Variants in ZDHHC4 observed in about 807,000 individuals in gnomAD.
ZDHHC4 encodes the protein zDHHC palmitoyltransferase 4, also known as palmitoyltransferase ZDHHC4.
ZDHHC4 carries 42 observed loss-of-function variants against 36.7 expected under a neutral mutation model. The observed-to-expected ratio is 1.14, with a 90% confidence interval of 0.89 to 1.48. The LOEUF (loss-of-function observed/expected upper bound fraction) is 1.48. Among genes scored for constraint, ZDHHC4 ranks in the 40% most tolerant of loss-of-function variants. The pLI, the probability that ZDHHC4 is intolerant of heterozygous loss-of-function variation, is 0.00. For synonymous variants in ZDHHC4, 189 were observed against 166.6 expected (o/e 1.13, Z -1.03); for missense variants, 457 against 421.5 (o/e 1.08, Z -0.74).
At chr7:6,584,715 C>T (rs1230739358) in intron 6 of ZDHHC4, among the ~76,000 whole-genome samples, 1 of 152,140 alleles carries the variant, frequency 6.6e-6, no homozygotes, top group Non-Finnish European at 1.5e-5. Flanking sequence ...CTCACTGCAG[C>T]GTTGACCTCC....
chr7:6,587,497 CA>C (rs1781321999), intron 7 of ZDHHC4, among the ~76,000 whole-genome samples: 1 of 152,148 alleles, frequency 6.6e-6, no homozygotes, highest in Admixed American at 6.6e-5. Context: ...AAATAACTTA[CA>C]AAACTTTAAG....
intron 5 of ZDHHC4, 74 bp downstream of exon 5, chr7:6,582,325 G>T (rs1225406522): frequency 1.0e-5 from 14 of 1,348,756 alleles, no homozygotes; most frequent in Non-Finnish European, 1.4e-5. Context: ...AACAAGGAGA[G>T]GCCCCCCCTG....
Position 6,588,749 on chromosome 7 carries a change from A to C in ZDHHC4, c.874A>C (p.Arg292=). 6.2e-7 allele frequency: 1 copy of C among 1,614,250 alleles called. No homozygotes were observed. The highest frequency in any genetic ancestry group is 2.2e-5 in the East Asian group (1 of 44,894). Residue 292 remains arginine, a synonymous_variant, in exon 8 of 8, where the codon AGA becomes CGA. Coordinates refer to ENST00000335965, the MANE Select transcript of ZDHHC4 (RefSeq NM_001134389.2). ...CAACCAGACTACTAACGAGTGGTAC[A>C]GAGGTGACTGGGCCTGGTGCCAGCG... is the stretch of plus-strand genomic sequence containing the variant. The part of the protein sequence containing the change: ...ATNQTTNEWY[R]GDWAWCQRCP...
chr7:6,583,487 C>T lies in ZDHHC4; in HGVS notation c.496+56C>T, dbSNP rs977997365. On this transcript the variant is annotated intron_variant, in intron 6 of 7. Transcript: ENST00000335965. ...CCTCCAACAGCACATGTGTGGGCTTCGTCTGTGAGGGAATGTTTCCTGAAT... is the reference window on the plus strand; with the variant it reads ...CCTCCAACAGCACATGTGTGGGCTTTGTCTGTGAGGGAATGTTTCCTGAAT... 94 of 1,563,890 alleles carry T rather than the reference C, an allele frequency of 6.0e-5. 1 individual carries two copies. The South Asian group carries it at 7.5e-4, about 12-fold the overall frequency.
chr7:6,583,442 C>G lies in ZDHHC4; in HGVS notation c.496+11C>G, dbSNP rs973046828. On this transcript the variant is annotated intron_variant, in intron 6 of 7. Coordinates refer to ENST00000335965, the MANE Select transcript of ZDHHC4 (RefSeq NM_001134389.2). ...GATCCAAGCACTGCAGTGAGTGTGG[C>G]TCTCGTGACTCCAGCGGCACCTCCA... is the stretch of plus-strand genomic sequence containing the variant. 1 of 1,600,714 alleles carries G rather than the reference C, an allele frequency of 6.2e-7. No individual in the cohort carries two copies. The highest frequency in any genetic ancestry group is 1.3e-5 in the African/African-American group (1 of 74,534).
chr7:6,582,788 C>T (rs1780952599), intron 5 of ZDHHC4, among the ~76,000 whole-genome samples: 1 of 152,080 alleles, frequency 6.6e-6, no homozygotes, highest in South Asian at 2.1e-4. Flanking sequence ...AGTGCTGAGA[C>T]TACAGGCGTG....
chr7:6,580,412 C>T (rs1780760122), intron 2 of ZDHHC4, 143 bp from the exon 3 acceptor site: 1 of 735,626 alleles, frequency 1.4e-6, no homozygotes, highest in African/African-American at 1.7e-5. Flanking sequence ...TTCTGTTTGT[C>T]TTTCTGCTTT....
Position 6,582,139 on chromosome 7 carries a change from A to G in ZDHHC4, c.258A>G (p.Glu86=). The G allele has an allele frequency of 6.2e-7, 1 of 1,614,194 alleles. No individual in the cohort carries two copies. The highest frequency in any genetic ancestry group is 8.5e-7 in the Non-Finnish European group (1 of 1,180,030). The change falls in exon 5 of 8, where the codon GAA becomes GAG. Residue 86 remains glutamate, a synonymous_variant. Coordinates refer to ENST00000335965, the MANE Select transcript of ZDHHC4 (RefSeq NM_001134389.2). The part of the protein sequence containing the change: ...QGMVYTEYTW[E]VFGYCQELEL... ...TGGTTTATACTGAGTACACCTGGGA[A>G]GTATTTGGCTACTGTCAGGAGCTGG...
chr7:6,578,030 A>G (rs1780561229), intron 1 of ZDHHC4, among the ~76,000 whole-genome samples: 1 of 152,012 alleles, frequency 6.6e-6, no homozygotes, highest in South Asian at 2.1e-4. Context: ...GGATTTCACC[A>G]TGTTGGTCAG....
At chr7:6,578,290 A>C (rs1780584005) in intron 1 of ZDHHC4, among the ~76,000 whole-genome samples, 1 of 151,334 alleles carries the variant, frequency 6.6e-6, no homozygotes, top group African/African-American at 2.4e-5. Context: ...ACCACGCCCC[A>C]CTGATTTTTA....
At chr7:6,578,179 A>G (rs7776724) in intron 1 of ZDHHC4, among the ~76,000 whole-genome samples, 61,040 of 151,930 alleles carry the variant, frequency 0.4, 13,343 homozygotes, top group African/African-American at 0.57. Flanking sequence ...CCAGGCTGGA[A>G]GGCAGTGGCA....
intron 6 of ZDHHC4, chr7:6,584,802 T>A: frequency 1.6e-6 from 1 of 609,958 alleles, no homozygotes; most frequent in Non-Finnish European, 2.8e-6. Context: ...CTCAGATTTG[T>A]CTTGTAGTCA....
chr7:6,584,826 C>T (rs544850295), intron 6 of ZDHHC4, 190 bp from the exon 7 acceptor site: 27 of 727,230 alleles, frequency 3.7e-5, no homozygotes, highest in Admixed American at 2.1e-4. Context: ...TGCAAGTGCT[C>T]AATACCCACA....
In ZDHHC4 at chr7:6,581,645, C is replaced by G; in HGVS notation, c.156C>G (p.Ala52=). The G allele has an allele frequency of 6.2e-7, 1 of 1,611,790 alleles. No individual in the cohort carries two copies. Among genetic ancestry groups the G allele is most frequent in the Non-Finnish European group, 8.5e-7 (1 of 1,178,194 alleles). The change falls in exon 4 of 8, where the codon GCC becomes GCG. Residue 52 remains alanine, a synonymous_variant. Transcript: ENST00000335965. ...SCIIPECLQR[A]VHGLLHYLFH... Reference sequence around the variant, plus strand: ...TAATTCCAGAATGTCTTCAGAGAGCCGTGCATGGATTGCTTCATTACCTTT... The same window carrying G: ...TAATTCCAGAATGTCTTCAGAGAGCGGTGCATGGATTGCTTCATTACCTTT...
chr7:6,582,603 C>T lies in ZDHHC4; in HGVS notation c.370+352C>T, dbSNP rs549222552. On this transcript the variant is annotated intron_variant, in intron 5 of 7. Transcript: ENST00000335965. ...GGCGATCTCAGCTCGCTGCAACCTC[C>T]GCCTCCCGGGTTCAAGGGATTCTCT... Among the ~76,000 whole-genome samples the T allele has an allele frequency of 7.2e-5, 11 of 152,230 alleles. No individual in the cohort carries two copies. The East Asian group carries it at 7.8e-4, about 11-fold the overall frequency.
intron 2 of ZDHHC4, among the ~76,000 whole-genome samples, chr7:6,579,279 C>G (rs892969385): frequency 1.3e-5 from 2 of 151,680 alleles, no homozygotes; most frequent in African/African-American, 4.8e-5. Context: ...CGGCTCACTG[C>G]AACCTCCGCT....
intron 5 of ZDHHC4, 31 bp from the exon 6 acceptor site, chr7:6,583,275 C>T (rs768776522): frequency 2.6e-5 from 42 of 1,611,638 alleles, no homozygotes; most frequent in Admixed American, 2.0e-4. Flanking sequence ...AAGTATTGCA[C>T]GAAACTGACA....
At position 6,582,080 on chromosome 7, in the gene ZDHHC4, A is replaced by G. The variant is rs1232220870; in HGVS notation, c.199A>G (p.Thr67Ala). Residue 67 changes from threonine (T) to alanine (A), a missense_variant, in exon 5 of 8, where the codon ACC (threonine) becomes GCC (alanine). Physicochemically the swap from Thr to Ala is moderately conservative, Grantham distance 58. Coordinates refer to ENST00000335965, the MANE Select transcript of ZDHHC4 (RefSeq NM_001134389.2). ...ATGCCTGTTTTCTTTCAGAAACCAC[A>G]CCTTCATTGTCCTGCACCTGGTCTT... ...LHYLFHTRNH[T>A]FIVLHLVLQG... 3 of 1,611,284 alleles carry G rather than the reference A, an allele frequency of 1.9e-6. No homozygotes were observed. Among genetic ancestry groups the G allele is most frequent in the African/African-American group, 2.7e-5 (2 of 74,988 alleles).
chr7:6,587,113 C>T (rs1781295607), intron 7 of ZDHHC4, among the ~76,000 whole-genome samples: 1 of 151,160 alleles, frequency 6.6e-6, no homozygotes, highest in Non-Finnish European at 1.5e-5. Flanking sequence ...GGTACCATCA[C>T]AGCTCACTAT....
Sources: allele counts gnomAD v4.1 joint callset (sites outside exome capture counted in the v4.1 genomes callset), GRCh38; gene constraint gnomAD v4.1.1; transcripts MANE v1.5; gene names NCBI Gene and HGNC (gene_info 2026-07-23, HGNC 2026-07-21).